Variants in ABCA6 observed in about 807,000 individuals in gnomAD.
ABCA6 encodes the protein ATP-binding cassette sub-family A member 6.
ABCA6 carries 164 observed loss-of-function variants against 191.2 expected under a neutral mutation model. The observed-to-expected ratio is 0.86, with a 90% CI of 0.76 to 0.98. The LOEUF (loss-of-function observed/expected upper bound fraction) is 0.98, where lower values mean the gene tolerates loss of function less well. ABCA6 is among the 50% of genes least tolerant of loss of function. The pLI, the probability that ABCA6 is intolerant of heterozygous loss-of-function variation, is 0.00. For synonymous variants in ABCA6, 636 were observed against 647.7 expected (o/e 0.98, Z 0.27); for missense variants, 1,958 against 1,894.1 (o/e 1.03, Z -0.63).
chr17:69,090,648 T>G (rs915139160), intron 26 of ABCA6, among the ~76,000 whole-genome samples: 1 of 152,218 alleles, frequency 6.6e-6, no homozygotes, highest in Non-Finnish European at 1.5e-5. Flanking sequence ...AAGTCAGGAC[T>G]GTGCTATCTT....
chr17:69,084,579 A>G (rs2072729327), intron 32 of ABCA6, 72 bp from the exon 33 acceptor site: 23 of 1,319,722 alleles, frequency 1.7e-5, no homozygotes, highest in Non-Finnish European at 2.3e-5. Context: ...CAGAACAGTA[A>G]CAGCATTAGA....
At chr17:69,123,140 G>T (rs111974684) in intron 10 of ABCA6, 99 bp downstream of exon 10, 2 of 732,462 alleles carry the variant, frequency 2.7e-6, no homozygotes. Context: ...TTGTGCACAT[G>T]TACCCTAAAA....
At chr17:69,097,662 T>C (rs1450340401) in intron 23 of ABCA6, among the ~76,000 whole-genome samples, 1 of 152,236 alleles carries the variant, frequency 6.6e-6, no homozygotes, top group African/African-American at 2.4e-5. Context: ...AAAAGATTTA[T>C]AATATTTCCC....
chr17:69,140,787 T>C (rs1023238270), intron 1 of ABCA6, 39 bp from the exon 2 acceptor site: 12 of 767,412 alleles, frequency 1.6e-5, no homozygotes, highest in Non-Finnish European at 2.2e-5. Context: ...ACCTTGATCA[T>C]AGTGTTGAGG....
At chr17:69,080,283 T>C (rs144568664) in intron 37 of ABCA6, among the ~76,000 whole-genome samples, 41 of 152,262 alleles carry the variant, frequency 2.7e-4, no homozygotes, top group African/African-American at 9.6e-4. Flanking sequence ...GTATCCATCA[T>C]TGCAGAGACG....
chr17:69,085,563 A>C, intron 31 of ABCA6, 62 bp downstream of exon 31: 1 of 1,077,568 alleles, frequency 9.3e-7, no homozygotes, highest in Non-Finnish European at 1.4e-6. Context: ...AGTCTTACAA[A>C]GATATAATCT....
intron 8 of ABCA6, 112 bp downstream of exon 8, chr17:69,128,507 G>C (rs1275848130): frequency 1.3e-6 from 1 of 744,448 alleles, no homozygotes; most frequent in Non-Finnish European, 1.9e-6. Flanking sequence ...CTTAACTTTA[G>C]AAAAATTGTT....
chr17:69,123,634 A>G (rs112077236), intron 9 of ABCA6, among the ~76,000 whole-genome samples: 3 of 152,216 alleles, frequency 2.0e-5, no homozygotes, highest in Non-Finnish European at 2.9e-5. Flanking sequence ...ACAGCTTTCA[A>G]CAAAGTATAA....
chr17:69,079,351 G>A, intron 37 of ABCA6, 86 bp from the exon 38 acceptor site: 1 of 1,025,698 alleles, frequency 9.7e-7, no homozygotes, highest in Non-Finnish European at 1.4e-6. Flanking sequence ...GAATAAAAAT[G>A]TAAATCATTA....
chr17:69,115,522 A>G (rs764438691), intron 11 of ABCA6, 36 bp from the exon 12 acceptor site: 3 of 1,535,968 alleles, frequency 2.0e-6, no homozygotes, highest in Non-Finnish European at 1.8e-6. Context: ...AATTATTAAC[A>G]GTATAAACAG....
chr17:69,087,250 A>C (rs1467873560), intron 29 of ABCA6, 103 bp downstream of exon 29: 1 of 1,465,708 alleles, frequency 6.8e-7, no homozygotes. Context: ...ACAGAAATGC[A>C]CCAAACTCCA....
rs552027248 is a variant in ABCA6 at position 69,125,380 on chromosome 17, G to T, written c.1120-345C>A. On this transcript the variant is annotated intron_variant, in intron 8 of 38. Transcript: ENST00000284425. ...GAAAGAATATAAGAAATTCTTGGAC[G>T]CCTTTAATTAGATAAAAAGAGAACT... Among the ~76,000 whole-genome samples, 100 of 151,916 alleles carry T rather than the reference G, an allele frequency of 6.6e-4. 1 individual carries two copies. The highest frequency in any genetic ancestry group is 1.3e-3 in the Non-Finnish European group (85 of 67,916).
chr17:69,127,349 G>A (rs1192267822), intron 8 of ABCA6, among the ~76,000 whole-genome samples: 1 of 151,752 alleles, frequency 6.6e-6, no homozygotes, highest in Non-Finnish European at 1.5e-5. Flanking sequence ...CATTAAGAGA[G>A]GAAAAAAGCC....
rs905161771 is a variant in ABCA6 at position 69,082,931 on chromosome 17, C to G, written c.4558G>C (p.Val1520Leu). ...LELKVKETSQ[V>L]TLVHTEILKL... The stretch of plus-strand genomic sequence containing the variant: ...AGAATCTCAGTGTGGACCAAAGTCA[C>G]TTGAGACGTTTCCTTCACTTTTAGC... Residue 1520 changes from valine (V) to leucine (L), a missense_variant, in exon 36 of 39, where the codon GTG becomes CTG. Transcript: ENST00000284425. The G allele has an allele frequency of 4.0e-5, 65 of 1,614,102 alleles. No individual in the cohort carries two copies. The highest frequency in any genetic ancestry group is 5.4e-5 in the Non-Finnish European group (64 of 1,180,036).
At position 69,096,312 on chromosome 17, in the gene ABCA6, G is replaced by A. The variant is rs779515507; in HGVS notation, c.3336C>T (p.Phe1112=). The A allele has an allele frequency of 6.6e-7, 1 of 1,524,102 alleles. No individual in the cohort carries two copies. Among genetic ancestry groups the A allele is most frequent in the Non-Finnish European group, 8.8e-7 (1 of 1,137,214 alleles). 94.4% of individuals were successfully genotyped at this position (1,524,102 alleles called of 1,614,324 possible). A position where few individuals can be genotyped will look rare whatever the true frequency, so the allele number is the denominator to read the frequency against. ...GAAAAATAAATGATATCATATATAT[G>A]AAGAAGACAAGAGAAGCTGCATAAC... is the stretch of plus-strand genomic sequence containing the variant. ...TPGYAASLVF[F]IYMISFIFRK... The change falls in exon 25 of 39, where the codon TTC becomes TTT. Residue 1112 remains phenylalanine (F), a synonymous_variant. Transcript: ENST00000284425.
In ABCA6 at chr17:69,086,632, A is replaced by G; in HGVS notation, c.3923T>C (p.Phe1308Ser). The change falls in exon 30 of 39, where the codon TTC becomes TCC. Residue 1308 changes from phenylalanine (F) to serine (S), a missense_variant. By Grantham distance (155) the Phe-to-Ser change is radical (BLOSUM62 -2). Transcript: ENST00000284425. ...KKKIAARNISFCVQEGEILGL... is the reference protein window; with the variant it reads ...KKKIAARNISSCVQEGEILGL... ...TTATTACAGACCTTCTTGAACACAGAAAGAGATATTTCTTGCTGCTATTTT... is the reference window on the plus strand; with the variant it reads ...TTATTACAGACCTTCTTGAACACAGGAAGAGATATTTCTTGCTGCTATTTT... 1.2e-6 allele frequency: 2 copies of G among 1,609,572 alleles called. No homozygotes were observed. The highest frequency in any genetic ancestry group is 2.7e-5 in the African/African-American group (2 of 74,872).
chr17:69,109,204 T>A (rs1018656006), intron 17 of ABCA6: 4 of 109,132 alleles, frequency 3.7e-5, no homozygotes, highest in Non-Finnish European at 6.5e-5. Context: ...ACAAACTAGA[T>A]GTTTAAACCA....
chr17:69,124,111 AACTGT>A (rs2073703187), intron 9 of ABCA6, among the ~76,000 whole-genome samples: 1 of 152,002 alleles, frequency 6.6e-6, no homozygotes, highest in African/African-American at 2.4e-5. Flanking sequence ...TACATGGAGA[AACTGT>A]ATTTGTTTAG....
chr17:69,140,600 A>C lies in ABCA6; in HGVS notation c.96+8T>G. 1 of 1,582,434 alleles carries C rather than the reference A, an allele frequency of 6.3e-7. No individual in the cohort carries two copies. The highest frequency in any genetic ancestry group is 2.3e-5 in the East Asian group (1 of 43,560). On this transcript the variant is annotated splice_region_variant and intron_variant, in intron 2 of 38. Transcript: ENST00000284425. ...TAACCGTGGAAAGAGACAAATTTTT[A>C]AACATACCAATAAGCTCTCTCTTTT... is the stretch of plus-strand genomic sequence containing the variant.
Sources: allele counts gnomAD v4.1 joint callset (sites outside exome capture counted in the v4.1 genomes callset), GRCh38; gene constraint gnomAD v4.1.1; transcripts MANE v1.5; gene names NCBI Gene and HGNC (gene_info 2026-07-23, HGNC 2026-07-21).